The following DNAH7 variants were observed in gnomAD, a reference collection of about 807,000 sequenced individuals.
DNAH7 encodes dynein axonemal heavy chain 7.
DNAH7 carries 397 observed loss-of-function variants against 444.6 expected under a neutral mutation model. The ratio of observed to expected loss-of-function variants is 0.89; its 90% confidence interval spans 0.82 to 0.97. DNAH7 has a LOEUF of 0.97. DNAH7 is among the 50% of genes least tolerant of loss of function. The probability of loss-of-function intolerance (pLI) is 0.00; values close to 1 mark genes in which losing one functional copy is unlikely to be tolerated. For missense variants in DNAH7, 4,902 were observed against 4,800.8 expected (o/e 1.02, Z -0.62); for synonymous variants, 1,636 against 1,624.4 (o/e 1.01, Z -0.17).
rs762649350 is a variant in DNAH7, at chr2:195,824,360, T to C, written c.9186A>G (p.Thr3062=). 6.2e-6 allele frequency: 10 copies of C among 1,613,860 alleles called. No individual in the cohort carries two copies. The Admixed American group carries it at 6.7e-5, about 11-fold the overall frequency. Residue 3062 remains threonine, a synonymous_variant, in exon 49 of 65, where the codon ACA becomes ACG. Coordinates refer to ENST00000312428, the MANE Select transcript of DNAH7 (RefSeq NM_018897.3). ...TTGTGGAGTCCCCAAGCCGGATACATGTACTCCCACCCTGCTTAAAGGTTT... is the reference window on the plus strand; with the variant it reads ...TTGTGGAGTCCCCAAGCCGGATACACGTACTCCCACCCTGCTTAAAGGTTT... ...LKQTFKQGGS[T]CIRLGDSTIE...
At chr2:196,020,887 C>A (rs60239439) in intron 8 of DNAH7, among the ~76,000 whole-genome samples, 1 of 152,100 alleles carries the variant, frequency 6.6e-6, no homozygotes, top group Non-Finnish European at 1.5e-5. Context: ...GCTGGAATTA[C>A]GGGCGTAAGC....
At chr2:195,916,908 G>C (rs1687716429) in intron 24 of DNAH7, among the ~76,000 whole-genome samples, 1 of 151,450 alleles carries the variant, frequency 6.6e-6, no homozygotes, top group Admixed American at 6.6e-5. Context: ...GACCATCCTA[G>C]CTAACATGGT....
intron 38 of DNAH7, 39 bp from the exon 39 acceptor site, chr2:195,873,733 GTA>G (rs1403528562): frequency 2.8e-6 from 4 of 1,408,848 alleles, no homozygotes; most frequent in Non-Finnish European, 3.8e-6. Context: ...AATGTTACTA[GTA>G]TATACAAGAG....
intron 54 of DNAH7, among the ~76,000 whole-genome samples, chr2:195,806,406 T>C (rs1479013032): frequency 6.6e-6 from 1 of 152,184 alleles, no homozygotes; most frequent in Non-Finnish European, 1.5e-5. Flanking sequence ...GATGTTGACA[T>C]CACTGACTAA....
chr2:195,869,068 C>T (rs896422706), intron 40 of DNAH7, among the ~76,000 whole-genome samples: 2 of 151,742 alleles, frequency 1.3e-5, no homozygotes, highest in Non-Finnish European at 1.5e-5. Context: ...GAAAATTTTG[C>T]CTCACAGACT....
intron 1 of DNAH7, among the ~76,000 whole-genome samples, chr2:196,061,825 T>G (rs902532448): frequency 2.0e-5 from 3 of 152,226 alleles, no homozygotes; most frequent in African/African-American, 7.2e-5. Context: ...CTGATGTCCA[T>G]TCTCTTGGAT....
chr2:196,011,725 T>C (rs1156255390), intron 10 of DNAH7, among the ~76,000 whole-genome samples: 1 of 152,170 alleles, frequency 6.6e-6, no homozygotes, highest in African/African-American at 2.4e-5. Context: ...TCAGGAAGCA[T>C]CAAGAGATAC....
intron 27 of DNAH7, among the ~76,000 whole-genome samples, chr2:195,906,124 C>CA (rs1687000861): frequency 6.6e-6 from 1 of 151,928 alleles, no homozygotes; most frequent in African/African-American, 2.4e-5. Context: ...TAGTGTGTTT[C>CA]CAGCATTGTA....
intron 5 of DNAH7, among the ~76,000 whole-genome samples, chr2:196,041,353 T>C (rs896733946): frequency 3.3e-5 from 5 of 151,978 alleles, no homozygotes; most frequent in African/African-American, 7.2e-5. Context: ...AATGCTGATA[T>C]AAAAACAGAC....
At chr2:195,866,863 T>C (rs957823405) in intron 40 of DNAH7, among the ~76,000 whole-genome samples, 13 of 152,264 alleles carry the variant, frequency 8.5e-5, no homozygotes, top group Middle Eastern at 3.4e-3. Context: ...AATTGAATCA[T>C]GGGGTGGGTC....
chr2:195,908,575 T>G lies in DNAH7; in HGVS notation c.4104+1452A>C, dbSNP rs565365396. On this transcript the variant is annotated intron_variant, in intron 25 of 64. Coordinates refer to ENST00000312428, the MANE Select transcript of DNAH7 (RefSeq NM_018897.3). Reference sequence around the variant, plus strand: ...TTGTTTCATTTAAGATAATGACCTCTAGTTCCATCCATGTTGCCGCAAAAG... The same window carrying G: ...TTGTTTCATTTAAGATAATGACCTCGAGTTCCATCCATGTTGCCGCAAAAG... 1.6e-3 allele frequency among the ~76,000 whole-genome samples: 248 copies of G among 152,232 alleles called. 5 individuals are homozygous for G. Among genetic ancestry groups the G allele is most frequent in the African/African-American group, 5.7e-3 (237 of 41,568 alleles).
intron 21 of DNAH7, among the ~76,000 whole-genome samples, chr2:195,931,739 G>A (rs1688709620): frequency 6.6e-6 from 1 of 152,182 alleles, no homozygotes; most frequent in African/African-American, 2.4e-5. Flanking sequence ...TTGTAAATAT[G>A]TGGCATTATT....
intron 47 of DNAH7, among the ~76,000 whole-genome samples, chr2:195,840,479 T>A (rs1426511218): frequency 6.6e-6 from 1 of 151,676 alleles, no homozygotes; most frequent in Non-Finnish European, 1.5e-5. Flanking sequence ...CTGTTCATCA[T>A]TATACTAGAA....
chr2:195,810,208 T>C (rs913134870), intron 51 of DNAH7, among the ~76,000 whole-genome samples: 1 of 152,158 alleles, frequency 6.6e-6, no homozygotes, highest in African/African-American at 2.4e-5. Context: ...TTTGACCTCT[T>C]TATAACAAAT....
intron 49 of DNAH7, among the ~76,000 whole-genome samples, chr2:195,823,612 T>C (rs1697574791): frequency 6.6e-6 from 1 of 152,118 alleles, no homozygotes; most frequent in Non-Finnish European, 1.5e-5. Flanking sequence ...TGCTTGCCTC[T>C]GTAAATGAAA....
At chr2:195,749,198 A>C (rs1197186646) in intron 63 of DNAH7, among the ~76,000 whole-genome samples, 1 of 152,252 alleles carries the variant, frequency 6.6e-6, no homozygotes, top group Non-Finnish European at 1.5e-5. Flanking sequence ...TCTCAAAAGA[A>C]GACATTTATG....
chr2:195,830,262 T>G (rs1697996998), intron 48 of DNAH7, among the ~76,000 whole-genome samples: 1 of 152,162 alleles, frequency 6.6e-6, no homozygotes, highest in African/African-American at 2.4e-5. Context: ...ACACAGCCAC[T>G]AATACTTTTG....
In DNAH7 at chr2:195,865,875, C is replaced by CCT. The variant is rs932233465; in HGVS notation, c.6634-856_6634-855dup. Among the ~76,000 whole-genome samples the CCT allele has an allele frequency of 9.2e-5, 14 of 151,750 alleles. No homozygotes were observed. In the South Asian group the frequency reaches 1.3e-3, roughly 14 times the overall value. On this transcript the variant is annotated intron_variant, in intron 40 of 64. Coordinates refer to ENST00000312428, the MANE Select transcript of DNAH7 (RefSeq NM_018897.3). The stretch of plus-strand genomic sequence containing the variant: ...GGAAGAGGCATTAAAGCGCTCTCTC[C>CCT]CTCTCTCTCTCTGGTTCTTGTTTCT...
intron 38 of DNAH7, 62 bp downstream of exon 38, chr2:195,875,612 AT>A (rs1701003895): frequency 1.4e-6 from 2 of 1,462,510 alleles, no homozygotes; most frequent in African/African-American, 2.8e-5. Flanking sequence ...TTTTCCAGTT[AT>A]TTCTTTAGCT....
Sources: gnomAD v4.1 joint callset for allele counts (sites outside exome capture counted in the v4.1 genomes callset) on GRCh38, gnomAD v4.1.1 for gene constraint, MANE v1.5 for transcripts, NCBI Gene and HGNC (gene_info 2026-07-23, HGNC 2026-07-21) for gene names.